LCA5: variants seen among roughly 807,000 people sequenced by gnomAD.
LCA5 encodes lebercilin LCA5.
In LCA5, 37 loss-of-function variants were observed where a neutral mutation model predicts 53.0. That is an observed-to-expected ratio of 0.70 (90% CI 0.54 to 0.92). LCA5 has a LOEUF of 0.92. Among genes scored for constraint, LCA5 ranks in the 40% least tolerant of loss-of-function variants. The probability of loss-of-function intolerance (pLI) is 0.00; values close to 1 mark genes in which losing one functional copy is unlikely to be tolerated. For missense variants in LCA5, 806 were observed against 790.5 expected, an observed-to-expected ratio of 1.02 and a Z score of -0.23; for synonymous variants, 303 against 282.9, an observed-to-expected ratio of 1.07 and a Z score of -0.71.
chr6:79,501,414 A>AAC (rs1179583898), intron 3 of LCA5, among the ~76,000 whole-genome samples: 14 of 152,244 alleles, frequency 9.2e-5, no homozygotes, highest in African/African-American at 3.4e-4. Context: ...ATTCACTGAT[A>AAC]AATATGCTGA....
chr6:79,498,753 T>A (rs780842909), intron 3 of LCA5, among the ~76,000 whole-genome samples: 1 of 151,840 alleles, frequency 6.6e-6, no homozygotes. Context: ...ATTAAAAGAT[T>A]AAGTAGAAAA....
At chr6:79,504,658 G>A (rs958163208) in intron 3 of LCA5, among the ~76,000 whole-genome samples, 1 of 152,022 alleles carries the variant, frequency 6.6e-6, no homozygotes, top group African/African-American at 2.4e-5. Context: ...GAAACTTTTA[G>A]GCCAAACTTA....
chr6:79,512,455 A>G (rs1173613502), intron 3 of LCA5, among the ~76,000 whole-genome samples: 1 of 152,140 alleles, frequency 6.6e-6, no homozygotes, highest in Non-Finnish European at 1.5e-5. Context: ...CCATGTATTA[A>G]AAACATCTGA....
chr6:79,535,052 C>A (rs887156187), intron 1 of LCA5, among the ~76,000 whole-genome samples: 7 of 152,054 alleles, frequency 4.6e-5, no homozygotes, highest in African/African-American at 1.7e-4. Context: ...AAATAATATT[C>A]TGGATATATG....
intron 3 of LCA5, among the ~76,000 whole-genome samples, chr6:79,512,528 C>A (rs1766261332): frequency 6.6e-6 from 1 of 152,130 alleles, no homozygotes. Context: ...ACGCTCACAG[C>A]AAGCATTATT....
At chr6:79,521,241 A>G (rs1199225063) in intron 1 of LCA5, among the ~76,000 whole-genome samples, 1 of 152,260 alleles carries the variant, frequency 6.6e-6, no homozygotes, top group East Asian at 1.9e-4. Flanking sequence ...TAGATTTAAC[A>G]TTGGAAATTA....
rs540830819 is a variant in LCA5, at chr6:79,526,227, G to A, written c.-191-7142C>T. Among the ~76,000 whole-genome samples the A allele has an allele frequency of 9.9e-5, 15 of 152,204 alleles. No individual in the cohort carries two copies. The South Asian group carries it at 1.2e-3, about 13-fold the overall frequency. Reference sequence around the variant, plus strand: ...TCCCCTTCCCAATAGCCACTGCCAGGAATGTGGTCAAAATAATATTAAAAC... The same window carrying A: ...TCCCCTTCCCAATAGCCACTGCCAGAAATGTGGTCAAAATAATATTAAAAC... On this transcript the variant is annotated intron_variant, in intron 1 of 7. Coordinates refer to ENST00000369846, the MANE Select transcript of LCA5 (RefSeq NM_001122769.3).
intron 1 of LCA5, among the ~76,000 whole-genome samples, chr6:79,524,750 C>A (rs550899862): frequency 1.1e-4 from 17 of 152,156 alleles, no homozygotes; most frequent in African/African-American, 4.1e-4. Flanking sequence ...AGGGCTTTCC[C>A]TCTTGTTATA....
chr6:79,495,005 C>T (rs1769941298), intron 3 of LCA5, among the ~76,000 whole-genome samples: 1 of 152,232 alleles, frequency 6.6e-6, no homozygotes, highest in Non-Finnish European at 1.5e-5. Context: ...CCCTGGGCTG[C>T]AGACTGCTAT....
At chr6:79,505,539 C>T (rs1023358505) in intron 3 of LCA5, among the ~76,000 whole-genome samples, 4 of 152,152 alleles carry the variant, frequency 2.6e-5, no homozygotes, top group African/African-American at 4.8e-5. Flanking sequence ...GATTTCAGAA[C>T]GGAATGTCAC....
intron 1 of LCA5, among the ~76,000 whole-genome samples, chr6:79,525,828 C>A (rs1562112458): frequency 6.6e-6 from 1 of 152,156 alleles, no homozygotes; most frequent in African/African-American, 2.4e-5. Flanking sequence ...GCGGCAGGAG[C>A]CACAAGCCGG....
intron 3 of LCA5, among the ~76,000 whole-genome samples, chr6:79,498,925 T>C (rs1052157341): frequency 2.0e-5 from 3 of 152,080 alleles, no homozygotes; most frequent in East Asian, 1.9e-4. Flanking sequence ...TTGATGTCAA[T>C]AGTGGAAAAA....
At chr6:79,529,715 CA>C (rs201755963) in intron 1 of LCA5, among the ~76,000 whole-genome samples, 3,862 of 152,116 alleles carry the variant, frequency 0.025, 59 homozygotes, top group Middle Eastern at 0.071. Flanking sequence ...AAATGTCCAA[CA>C]ATGATAGACT....
chr6:79,534,529 G>A (rs910120386), intron 1 of LCA5, among the ~76,000 whole-genome samples: 1 of 151,900 alleles, frequency 6.6e-6, no homozygotes, highest in Non-Finnish European at 1.5e-5. Flanking sequence ...ATCCTTTACC[G>A]TTAAGTAATT....
intron 2 of LCA5, among the ~76,000 whole-genome samples, chr6:79,517,341 T>C (rs1256338082): frequency 6.6e-6 from 1 of 152,136 alleles, no homozygotes; most frequent in African/African-American, 2.4e-5. Context: ...GACTCCTTAA[T>C]TGGGTGGCCT....
rs192066914 is a variant in LCA5 at position 79,489,228 on chromosome 6, T to C, written c.1099-12A>G. ...TGAGATTGCAAGTCCTATTATACGT[T>C]AAAAAAAATGCAAGTTCACAAATTA... is the stretch of plus-strand genomic sequence containing the variant. On this transcript the variant is annotated splice_polypyrimidine_tract_variant and intron_variant, in intron 6 of 7. Transcript: ENST00000369846. 5,279 of 1,607,334 alleles carry C rather than the reference T, an allele frequency of 3.3e-3. 184 individuals are homozygous for C. In the South Asian group the frequency reaches 0.053, roughly 16 times the overall value.
intron 1 of LCA5, among the ~76,000 whole-genome samples, chr6:79,526,558 A>C (rs1352212625): frequency 6.6e-6 from 1 of 152,098 alleles, no homozygotes. Flanking sequence ...AACAAAACAA[A>C]ACAAAACAAC....
intron 3 of LCA5, among the ~76,000 whole-genome samples, chr6:79,506,996 C>T (rs148609200): frequency 6.6e-6 from 1 of 152,218 alleles, no homozygotes; most frequent in Non-Finnish European, 1.5e-5. Context: ...TTGCAACTAA[C>T]CATTAAGAAA....
intron 2 of LCA5, among the ~76,000 whole-genome samples, chr6:79,515,383 T>TG (rs1766396082): frequency 6.6e-6 from 1 of 152,084 alleles, no homozygotes; most frequent in African/African-American, 2.4e-5. Flanking sequence ...AAAACCCTAA[T>TG]GTGAGAAGAT....
Sources: allele counts gnomAD v4.1 joint callset (sites outside exome capture counted in the v4.1 genomes callset), GRCh38; gene constraint gnomAD v4.1.1; transcripts MANE v1.5; gene names NCBI Gene and HGNC (gene_info 2026-07-23, HGNC 2026-07-21).